ATP8B4: variants seen among roughly 807,000 people sequenced by gnomAD.
The protein encoded by ATP8B4 is probable phospholipid-transporting ATPase IM.
A neutral mutation model predicts 145.6 loss-of-function variants in ATP8B4; 133 were observed. That is an observed-to-expected ratio of 0.91 (90% confidence interval 0.79 to 1.05). The LOEUF is 1.05. Among genes scored for constraint, ATP8B4 ranks in the 50% least tolerant of loss-of-function variants. The pLI is 0.00. For synonymous variants in ATP8B4, 507 were observed against 492.9 expected, an observed-to-expected ratio of 1.03 and a Z score of -0.38; for missense variants, 1,458 against 1,425.2, an observed-to-expected ratio of 1.02 and a Z score of -0.37.
intron 16 of ATP8B4, among the ~76,000 whole-genome samples, chr15:49,928,332 C>G (rs1324341380): frequency 1.3e-5 from 2 of 152,048 alleles, no homozygotes; most frequent in Non-Finnish European, 2.9e-5. Flanking sequence ...TAGTAGGGAA[C>G]ATTTCCAAGA....
intron 17 of ATP8B4, chr15:49,922,334 G>A (rs2040334578): frequency 2.0e-5 from 8 of 401,648 alleles, no homozygotes; most frequent in South Asian, 1.9e-5. Context: ...TTTGAGTAAC[G>A]GCAATAAGTC....
rs1377651079 is a variant in ATP8B4, at chr15:50,105,892, A to G, written c.28+1047T>C. On this transcript the variant is annotated intron_variant, in intron 2 of 27. Coordinates refer to ENST00000284509, the MANE Select transcript of ATP8B4 (RefSeq NM_024837.4). ...GTTAAAGTCAGTTAATCTTATCTTC[A>G]CACTATTAAGATTGTATATAAATAA... 2.0e-5 allele frequency among the ~76,000 whole-genome samples: 3 copies of G among 150,984 alleles called. No individual in the cohort carries two copies. The East Asian group carries it at 5.8e-4, about 29-fold the overall frequency.
chr15:50,001,639 CCAGA>C (rs553667731), intron 8 of ATP8B4, among the ~76,000 whole-genome samples: 142 of 152,274 alleles, frequency 9.3e-4, no homozygotes, highest in African/African-American at 3.1e-3. Context: ...TGTTTTTATG[CCAGA>C]CAAACTAAAT....
intron 6 of ATP8B4, among the ~76,000 whole-genome samples, chr15:50,022,079 T>C (rs1230114063): frequency 6.6e-6 from 1 of 152,042 alleles, no homozygotes; most frequent in African/African-American, 2.4e-5. Flanking sequence ...AAATAAAAAC[T>C]TTTTTCCAAA....
chr15:49,905,682 G>C lies in ATP8B4; in HGVS notation c.2142-4443C>G, dbSNP rs374583848. Reference sequence around the variant, plus strand: ...GGCCCCAAGGCTCCTGAAATATTGAGTCTAGCTGGAAATTCTTTATTTTTT... The same window carrying C: ...GGCCCCAAGGCTCCTGAAATATTGACTCTAGCTGGAAATTCTTTATTTTTT... On this transcript the variant is annotated intron_variant, in intron 20 of 27. Transcript: ENST00000284509. Among the ~76,000 whole-genome samples, 12 of 152,232 alleles carry C rather than the reference G, an allele frequency of 7.9e-5. No individual in the cohort carries two copies. In the East Asian group the frequency reaches 1.7e-3, roughly 22 times the overall value.
At chr15:49,977,414 A>C (rs962375535) in intron 12 of ATP8B4, among the ~76,000 whole-genome samples, 3 of 151,934 alleles carry the variant, frequency 2.0e-5, no homozygotes, top group Non-Finnish European at 2.9e-5. Flanking sequence ...AGAACTCTAG[A>C]CTCTTTTTTT....
chr15:49,988,130 G>C (rs920318692), intron 9 of ATP8B4, among the ~76,000 whole-genome samples: 1 of 152,164 alleles, frequency 6.6e-6, no homozygotes, highest in Non-Finnish European at 1.5e-5. Context: ...ATTAGATTCA[G>C]AGTTCTGGGG....
At chr15:49,952,097 A>C (rs1182794850) in intron 14 of ATP8B4, among the ~76,000 whole-genome samples, 1 of 152,174 alleles carries the variant, frequency 6.6e-6, no homozygotes, top group African/African-American at 2.4e-5. Flanking sequence ...TGTGGGCAAC[A>C]TGGCCTTACT....
At position 49,923,409 on chromosome 15, in the gene ATP8B4, G is replaced by T. The variant is rs1286175342; in HGVS notation, c.1728C>A (p.Val576=). 1 of 1,612,608 alleles carries T rather than the reference G, an allele frequency of 6.2e-7. No homozygotes were observed. Among genetic ancestry groups the T allele is most frequent in the Non-Finnish European group, 8.5e-7 (1 of 1,178,784 alleles). Residue 576 remains valine, a synonymous_variant, in exon 17 of 28, where the codon GTC becomes GTA. Transcript: ENST00000284509. ...LFEKLHPSNE[V]LLSLTSDHLS... ...GGTGGTCTGACGTCAAAGACAAAAG[G>T]ACTTCATTGGAAGGATGAAGTTTTT...
upstream of ATP8B4, among the ~76,000 whole-genome samples, chr15:50,122,865 C>G (rs771054116): frequency 1.3e-5 from 2 of 152,110 alleles, no homozygotes; most frequent in African/African-American, 4.8e-5. Context: ...AAATTACTCA[C>G]CCACCTTAAG....
intron 24 of ATP8B4, among the ~76,000 whole-genome samples, 164 bp downstream of exon 24, chr15:49,879,212 G>C (rs2034997935): frequency 1.3e-5 from 2 of 152,306 alleles, no homozygotes; most frequent in East Asian, 3.9e-4. Context: ...ATAGGGGTAA[G>C]GGAGGCACAG....
At chr15:49,876,906 C>T (rs116582182) in intron 24 of ATP8B4, among the ~76,000 whole-genome samples, 2,432 of 152,242 alleles carry the variant, frequency 0.016, 64 homozygotes, top group African/African-American at 0.056. Flanking sequence ...GCCAATGGGC[C>T]CCAGAAGTTA....
chr15:50,075,965 A>G (rs2054142648), intron 2 of ATP8B4, among the ~76,000 whole-genome samples: 1 of 152,226 alleles, frequency 6.6e-6, no homozygotes, highest in African/African-American at 2.4e-5. Flanking sequence ...GCATGGCAAA[A>G]GGTTAACCTG....
chr15:50,168,126 A>T (rs1482028161), intron 1 of ATP8B4, among the ~76,000 whole-genome samples: 1 of 152,232 alleles, frequency 6.6e-6, no homozygotes, highest in African/African-American at 2.4e-5. Context: ...CAAGAGAAGG[A>T]AACAAAGAAG....
At chr15:50,030,017 G>A (rs1046748553) in intron 6 of ATP8B4, among the ~76,000 whole-genome samples, 48 of 152,318 alleles carry the variant, frequency 3.2e-4, no homozygotes, top group African/African-American at 1.0e-3. Context: ...CTGTTAAAAT[G>A]TTGGTTTGGT....
chr15:50,133,098 T>A (rs1327855422), intron 1 of ATP8B4, among the ~76,000 whole-genome samples: 1 of 152,114 alleles, frequency 6.6e-6, no homozygotes, highest in African/African-American at 2.4e-5. Flanking sequence ...ATTCCAGAAC[T>A]TAAAGTATAA....
At chr15:49,975,749 T>C (rs1304182419) in intron 12 of ATP8B4, among the ~76,000 whole-genome samples, 1 of 152,184 alleles carries the variant, frequency 6.6e-6, no homozygotes, top group Non-Finnish European at 1.5e-5. Flanking sequence ...GTTTTACAGA[T>C]TATTCTTATG....
At chr15:50,101,337 A>G (rs1166367973) in intron 2 of ATP8B4, among the ~76,000 whole-genome samples, 1 of 152,106 alleles carries the variant, frequency 6.6e-6, no homozygotes, top group Non-Finnish European at 1.5e-5. Flanking sequence ...TTTGACAAAA[A>G]CAACAGAAAC....
chr15:49,901,014 G>C (rs539131159), intron 21 of ATP8B4, 78 bp downstream of exon 21: 56 of 1,495,770 alleles, frequency 3.7e-5, no homozygotes, highest in Non-Finnish European at 3.2e-5. Context: ...AGACAAAGGA[G>C]GTCTCATTAT....
Sources: gnomAD v4.1 joint callset for allele counts (sites outside exome capture counted in the v4.1 genomes callset) on GRCh38, gnomAD v4.1.1 for gene constraint, MANE v1.5 for transcripts, NCBI Gene and HGNC (gene_info 2026-07-23, HGNC 2026-07-21) for gene names.